Variants in VTI1A observed in about 807,000 individuals in gnomAD.
VTI1A encodes vesicle transport through interaction with t-SNAREs homolog 1A.
Under a neutral mutation model 34.9 loss-of-function variants are expected in VTI1A, and 22 were observed. The observed-to-expected ratio is 0.63, with a 90% CI of 0.45 to 0.90. The LOEUF is 0.90. Among genes scored for constraint, VTI1A ranks in the 40% least tolerant of loss-of-function variants. The pLI, the probability that VTI1A is intolerant of heterozygous loss-of-function variation, is 0.00. For missense variants in VTI1A, 268 were observed against 275.6 expected (o/e 0.97, Z 0.20); for synonymous variants, 87 against 97.3 (o/e 0.89, Z 0.62).
At chr10:112,452,639 T>TTG (rs1252584204) in intron 1 of VTI1A, among the ~76,000 whole-genome samples, 2 of 151,928 alleles carry the variant, frequency 1.3e-5, no homozygotes, top group South Asian at 2.1e-4. Flanking sequence ...ATATAAACAA[T>TTG]TGTGTGTGTG....
chr10:112,670,451 A>G (rs1277334708), intron 7 of VTI1A, among the ~76,000 whole-genome samples: 1 of 152,180 alleles, frequency 6.6e-6, no homozygotes, highest in Non-Finnish European at 1.5e-5. Context: ...TGCGGGCTCT[A>G]CGTGGCTTTC....
chr10:112,619,843 G>T (rs1378651224), intron 5 of VTI1A, among the ~76,000 whole-genome samples: 1 of 152,188 alleles, frequency 6.6e-6, no homozygotes, highest in Non-Finnish European at 1.5e-5. Context: ...ATCAGGAAGG[G>T]AGGATGGAAG....
intron 7 of VTI1A, among the ~76,000 whole-genome samples, chr10:112,692,800 C>A (rs1848652309): frequency 6.6e-6 from 1 of 152,214 alleles, no homozygotes; most frequent in Non-Finnish European, 1.5e-5. Flanking sequence ...GCTCTCGTTT[C>A]TCCAGTGGTC....
the VTI1A span, among the ~76,000 whole-genome samples, chr10:112,851,045 G>A: frequency 5.9e-5 from 9 of 152,180 alleles, no homozygotes; most frequent in African/African-American, 1.9e-4. Context: ...GTTTCCTTCC[G>A]AACTCTGCTT....
chr10:112,644,866 A>T (rs1031427065), intron 5 of VTI1A, among the ~76,000 whole-genome samples: 4 of 152,224 alleles, frequency 2.6e-5, no homozygotes, highest in Non-Finnish European at 2.9e-5. Context: ...TGGCAAAATG[A>T]CATTATGGTA....
chr10:112,693,215 G>A (rs1276933097), intron 7 of VTI1A, among the ~76,000 whole-genome samples: 1 of 152,176 alleles, frequency 6.6e-6, no homozygotes. Flanking sequence ...TAAGGGGAAA[G>A]AAGTTAAATG....
At chr10:112,508,927 G>C (rs545478679) in intron 3 of VTI1A, among the ~76,000 whole-genome samples, 1 of 152,148 alleles carries the variant, frequency 6.6e-6, no homozygotes, top group African/African-American at 2.4e-5. Context: ...AAAGCAAAAA[G>C]ACCAAAATTG....
At chr10:112,753,334 C>T (rs1338091044) in intron 7 of VTI1A, among the ~76,000 whole-genome samples, 11 of 152,020 alleles carry the variant, frequency 7.2e-5, no homozygotes, top group African/African-American at 2.4e-4. Context: ...CAGATGTCCC[C>T]AAGACACTTT....
chr10:112,677,957 A>G (rs767264724), intron 7 of VTI1A: 1 of 152,232 alleles, frequency 6.6e-6, no homozygotes, highest in Non-Finnish European at 1.5e-5. Context: ...CTCATCAATG[A>G]ATAGTCTTTG....
chr10:112,784,162 T>C (rs754456545), intron 7 of VTI1A, among the ~76,000 whole-genome samples: 12 of 152,246 alleles, frequency 7.9e-5, no homozygotes, highest in Non-Finnish European at 1.6e-4. Flanking sequence ...TGCCTTGTAC[T>C]TTATAACGTT....
intron 1 of VTI1A, among the ~76,000 whole-genome samples, chr10:112,455,643 C>T (rs1485639518): frequency 7.9e-6 from 1 of 125,938 alleles, no homozygotes; most frequent in Non-Finnish European, 1.6e-5. Context: ...TCCTTCCCTC[C>T]TTCTCCCCTC....
chr10:112,591,539 A>C (rs527905778), intron 5 of VTI1A, among the ~76,000 whole-genome samples: 97 of 77,272 alleles, frequency 1.3e-3, no homozygotes, highest in Middle Eastern at 5.2e-3. Context: ...CACACACACA[A>C]AACGAAGAAG....
intron 7 of VTI1A, among the ~76,000 whole-genome samples, chr10:112,787,698 CTTT>C (rs34862909): frequency 0.016 from 1,620 of 103,228 alleles, 9 homozygotes; most frequent in African/African-American, 0.06. Flanking sequence ...TTTTTCTTTT[CTTT>C]TTTTTTTTTT....
At chr10:112,594,415 A>C (rs989132252) in intron 5 of VTI1A, among the ~76,000 whole-genome samples, 18 of 152,198 alleles carry the variant, frequency 1.2e-4, no homozygotes, top group African/African-American at 4.3e-4. Flanking sequence ...AGAAAACCCC[A>C]TTGTCTCAGC....
intron 7 of VTI1A, among the ~76,000 whole-genome samples, chr10:112,746,491 C>A (rs1850902237): frequency 6.6e-6 from 1 of 152,212 alleles, no homozygotes; most frequent in South Asian, 2.1e-4. Context: ...GCGGAACTCG[C>A]TCTCACAGAA....
At chr10:112,749,844 A>T (rs1166892870) in intron 7 of VTI1A, among the ~76,000 whole-genome samples, 2 of 152,204 alleles carry the variant, frequency 1.3e-5, no homozygotes, top group African/African-American at 4.8e-5. Flanking sequence ...GAAATTTAGA[A>T]GCAACATAAA....
chr10:112,699,822 C>T (rs1290891175), intron 7 of VTI1A, among the ~76,000 whole-genome samples: 8 of 134,150 alleles, frequency 6.0e-5, no homozygotes, highest in South Asian at 4.8e-4. Context: ...AGCAAAACTC[C>T]GTCTCAAAAA....
At chr10:112,636,767 T>C (rs1846370309) in intron 5 of VTI1A, among the ~76,000 whole-genome samples, 1 of 150,810 alleles carries the variant, frequency 6.6e-6, no homozygotes, top group African/African-American at 2.4e-5. Flanking sequence ...AGAGGTAGTA[T>C]CTTTTGTTCT....
At chr10:112,749,874 G>A (rs140984228) in intron 7 of VTI1A, among the ~76,000 whole-genome samples, 1 of 152,290 alleles carries the variant, frequency 6.6e-6, no homozygotes, top group African/African-American at 2.4e-5. Context: ...TTTGGGAAGA[G>A]GGTCGATGCA....
Sources: allele counts gnomAD v4.1 joint callset (sites outside exome capture counted in the v4.1 genomes callset), GRCh38; gene constraint gnomAD v4.1.1; transcripts MANE v1.5; gene names NCBI Gene and HGNC (gene_info 2026-07-23, HGNC 2026-07-21).